The following ATXN7L1 variants were observed in gnomAD, a reference collection of about 807,000 sequenced individuals.
The protein encoded by ATXN7L1 is ataxin-7-like protein 1.
In ATXN7L1, 15 loss-of-function variants were observed where a neutral mutation model predicts 70.8. The observed-to-expected ratio is 0.21, with a 90% confidence interval of 0.14 to 0.33. ATXN7L1 has a LOEUF of 0.33. Among genes scored for constraint, ATXN7L1 ranks in the 10% least tolerant of loss-of-function variants. ATXN7L1 has a pLI of 1.00. For synonymous variants in ATXN7L1, 440 were observed against 445.1 expected (o/e 0.99, Z 0.14); for missense variants, 975 against 1,097.1 (o/e 0.89, Z 1.57).
At chr7:105,769,729 A>G (rs913344593) in intron 3 of ATXN7L1, among the ~76,000 whole-genome samples, 1 of 152,272 alleles carries the variant, frequency 6.6e-6, no homozygotes, top group Non-Finnish European at 1.5e-5. Context: ...TAGAAGGCAT[A>G]AGTGTCTCTG....
intron 10 of ATXN7L1, among the ~76,000 whole-genome samples, chr7:105,611,887 C>T (rs1180420312): frequency 6.6e-6 from 1 of 152,198 alleles, no homozygotes; most frequent in Non-Finnish European, 1.5e-5. Flanking sequence ...TTGGAAATCA[C>T]CAGTGATAAA....
intron 3 of ATXN7L1, among the ~76,000 whole-genome samples, chr7:105,782,660 T>C (rs1392564954): frequency 6.6e-6 from 1 of 152,232 alleles, no homozygotes; most frequent in Non-Finnish European, 1.5e-5. Flanking sequence ...ACAGGCTGGA[T>C]GGACCTCGGC....
At position 105,767,055 on chromosome 7, in the gene ATXN7L1, G is replaced by C. The variant is rs1801360210; in HGVS notation, c.355+21549C>G. Among the ~76,000 whole-genome samples, 3 of 152,234 alleles carry C rather than the reference G, an allele frequency of 2.0e-5. No homozygotes were observed. In the South Asian group the frequency reaches 6.2e-4, roughly 31 times the overall value. The stretch of plus-strand genomic sequence containing the variant: ...CGGCGGGCAGGAAGCAAGGGTTCCA[G>C]ATGACAGGGATTTTTCCCGTGTTGA... On this transcript the variant is annotated intron_variant, in intron 3 of 11. Coordinates refer to ENST00000419735, the MANE Select transcript of ATXN7L1 (RefSeq NM_020725.2).
rs1359560405 is a variant in ATXN7L1 at position 105,710,700 on chromosome 7, CACACTTTTAAACCATCTTTTTGGTTTAA to C, written c.356-45440_356-45413del. Among the ~76,000 whole-genome samples, 5 of 152,120 alleles carry C rather than the reference CACACTTTTAAACCATCTTTTTGGTTTAA, an allele frequency of 3.3e-5. No individual in the cohort carries two copies. The East Asian group carries it at 5.8e-4, about 18-fold the overall frequency. On this transcript the variant is annotated intron_variant, in intron 3 of 11. Transcript: ENST00000419735. ...TGCTGGGATTGCAGGCATGAGCCAC[CACACTTTTAAACCATCTTTTTGGTTTAA>C]ACACTTTTAAACCATCTGGCCAGTG...
intron 4 of ATXN7L1, among the ~76,000 whole-genome samples, chr7:105,644,988 C>G (rs1798773090): frequency 6.6e-6 from 1 of 152,142 alleles, no homozygotes; most frequent in Non-Finnish European, 1.5e-5. Flanking sequence ...TGAAATAAGC[C>G]TGTCACAAAA....
intron 2 of ATXN7L1, among the ~76,000 whole-genome samples, chr7:105,807,690 G>A (rs1807820531): frequency 6.6e-6 from 1 of 152,150 alleles, no homozygotes; most frequent in African/African-American, 2.4e-5. Context: ...TGGAAAGCCC[G>A]GGCTGGGCTG....
chr7:105,776,873 G>A (rs774346817), intron 3 of ATXN7L1, among the ~76,000 whole-genome samples: 5 of 152,100 alleles, frequency 3.3e-5, no homozygotes, highest in Admixed American at 6.5e-5. Flanking sequence ...AGGTTCAAGC[G>A]ATTCTCGTGC....
intron 2 of ATXN7L1, among the ~76,000 whole-genome samples, chr7:105,838,983 T>C (rs1200091647): frequency 6.6e-6 from 1 of 152,196 alleles, no homozygotes; most frequent in African/African-American, 2.4e-5. Context: ...AAACCAGGCA[T>C]TCCTCAGGTT....
chr7:105,613,753 C>G, intron 10 of ATXN7L1, 109 bp downstream of exon 10: 2 of 1,529,552 alleles, frequency 1.3e-6, no homozygotes, highest in South Asian at 1.2e-5. Flanking sequence ...AAAACGAGAA[C>G]AGGAATCAAG....
chr7:105,669,224 G>A (rs1358797760), intron 3 of ATXN7L1, among the ~76,000 whole-genome samples: 1 of 152,156 alleles, frequency 6.6e-6, no homozygotes, highest in Admixed American at 6.5e-5. Context: ...TGCGATTACA[G>A]GTACGCACCA....
chr7:105,815,958 A>G (rs1013641140), intron 2 of ATXN7L1, among the ~76,000 whole-genome samples: 1 of 152,250 alleles, frequency 6.6e-6, no homozygotes, highest in African/African-American at 2.4e-5. Context: ...TTATTAAAAG[A>G]AAAACAAAAA....
intron 3 of ATXN7L1, among the ~76,000 whole-genome samples, chr7:105,730,033 G>A (rs779350845): frequency 3.9e-5 from 6 of 152,032 alleles, no homozygotes; most frequent in South Asian, 2.1e-4. Flanking sequence ...CACCACTCCC[G>A]GCCCCTCCCC....
intron 2 of ATXN7L1, among the ~76,000 whole-genome samples, chr7:105,864,783 G>A (rs553012885): frequency 2.8e-4 from 43 of 152,112 alleles, no homozygotes; most frequent in African/African-American, 9.4e-4. Flanking sequence ...ACAAGCACAT[G>A]CCACCATACC....
intron 4 of ATXN7L1, among the ~76,000 whole-genome samples, chr7:105,655,824 G>C (rs1458249934): frequency 1.3e-5 from 2 of 152,206 alleles, no homozygotes; most frequent in Non-Finnish European, 2.9e-5. Context: ...GTAATTCCAA[G>C]CATTTGGAGA....
chr7:105,773,830 T>C (rs1313589087), intron 3 of ATXN7L1, among the ~76,000 whole-genome samples: 1 of 152,166 alleles, frequency 6.6e-6, no homozygotes, highest in Non-Finnish European at 1.5e-5. Context: ...ATCACATTGA[T>C]GGCAGGCCTA....
At chr7:105,774,314 C>A (rs1246551039) in intron 3 of ATXN7L1, among the ~76,000 whole-genome samples, 1 of 151,092 alleles carries the variant, frequency 6.6e-6, no homozygotes. Flanking sequence ...CTGACAAATG[C>A]AGGTCACAGG....
At chr7:105,778,396 A>G in intron 3 of ATXN7L1, among the ~76,000 whole-genome samples, 1 of 150,800 alleles carries the variant, frequency 6.6e-6, no homozygotes, top group East Asian at 2.0e-4. Context: ...CTGTGGTCCC[A>G]GCTACTCGGG....
At chr7:105,686,779 C>T (rs1002081453) in intron 3 of ATXN7L1, among the ~76,000 whole-genome samples, 2 of 152,198 alleles carry the variant, frequency 1.3e-5, no homozygotes, top group African/African-American at 4.8e-5. Context: ...TCTGTACCAT[C>T]TTGAAACCAA....
In ATXN7L1 at chr7:105,665,179, A is replaced by T. The variant is rs753098084; in HGVS notation, c.465T>A (p.His155Gln). ...GCTTTGAGGTGCTGCTGGCAGAGTG[A>T]TGGCCGCTGAGACAGGCTTTTGTTT... ...QVKTKACLSGHHSASSTSKPF... is the reference protein window; with the variant it reads ...QVKTKACLSGQHSASSTSKPF... Residue 155 changes from histidine (H) to glutamine (Q), a missense_variant, in exon 4 of 12, where the codon CAT becomes CAA. Physicochemically the swap from His to Gln is conservative, Grantham distance 24. Transcript: ENST00000419735. 5 of 1,551,578 alleles carry T rather than the reference A, an allele frequency of 3.2e-6. No homozygotes were observed. The highest frequency in any genetic ancestry group is 3.5e-6 in the Non-Finnish European group (4 of 1,146,998).
Sources: gnomAD v4.1 joint callset for allele counts (sites outside exome capture counted in the v4.1 genomes callset) on GRCh38, gnomAD v4.1.1 for gene constraint, MANE v1.5 for transcripts, NCBI Gene and HGNC (gene_info 2026-07-23, HGNC 2026-07-21) for gene names.